The following FMNL3 variants were observed in gnomAD, a reference collection of about 807,000 sequenced individuals.
FMNL3 encodes the protein formin-like protein 3.
Under a neutral mutation model 119.6 loss-of-function variants are expected in FMNL3, and 57 were observed. The ratio of observed to expected loss-of-function variants is 0.48; its 90% CI spans 0.39 to 0.59. The LOEUF is 0.59. Among genes scored for constraint, FMNL3 ranks in the 20% least tolerant of loss-of-function variants. The pLI is 0.00. For synonymous variants in FMNL3, 491 were observed against 507.3 expected (o/e 0.97, Z 0.43); for missense variants, 1,053 against 1,323.5 (o/e 0.80, Z 3.17).
chr12:49,691,726 T>C (rs1944606796), intron 1 of FMNL3, among the ~76,000 whole-genome samples: 2 of 151,936 alleles, frequency 1.3e-5, no homozygotes, highest in African/African-American at 2.4e-5. Context: ...GGAGCCTTTT[T>C]TTTCCCCCCA....
intron 1 of FMNL3, among the ~76,000 whole-genome samples, chr12:49,671,145 A>G (rs7963954): frequency 0.33 from 50,008 of 152,194 alleles, 11,691 homozygotes; most frequent in African/African-American, 0.67. Context: ...CACTGTCAGC[A>G]GCTGTGGCTC....
intron 1 of FMNL3, among the ~76,000 whole-genome samples, chr12:49,692,350 C>G (rs767054651): frequency 2.0e-5 from 3 of 151,814 alleles, no homozygotes; most frequent in African/African-American, 4.8e-5. Context: ...TCAGTCTACC[C>G]CCTCCCTACC....
chr12:49,664,202 G>A (rs918019522), intron 4 of FMNL3, among the ~76,000 whole-genome samples: 7 of 152,186 alleles, frequency 4.6e-5, no homozygotes, highest in Non-Finnish European at 7.4e-5. Flanking sequence ...CCAAGATGGC[G>A]CCTGGGCGAC....
chr12:49,690,950 G>A (rs1051476113), intron 1 of FMNL3, among the ~76,000 whole-genome samples: 1 of 152,176 alleles, frequency 6.6e-6, no homozygotes, highest in Non-Finnish European at 1.5e-5. Flanking sequence ...GGGTGAGGTG[G>A]GAGGATCACT....
At chr12:49,690,060 G>C (rs1277428237) in intron 1 of FMNL3, among the ~76,000 whole-genome samples, 2 of 152,092 alleles carry the variant, frequency 1.3e-5, no homozygotes, top group Non-Finnish European at 2.9e-5. Context: ...ATCTCACTTG[G>C]TCTTCACAAA....
Position 49,643,643 on chromosome 12 carries a change from G to A in FMNL3, c.*2172C>T, listed in dbSNP as rs1942963883. 1 of 1,578,852 alleles carries A rather than the reference G, an allele frequency of 6.3e-7. No individual in the cohort carries two copies. Among genetic ancestry groups the A allele is most frequent in the Non-Finnish European group, 8.6e-7 (1 of 1,158,330 alleles). On this transcript the variant is annotated 3_prime_UTR_variant, in exon 26 of 26. Coordinates refer to ENST00000335154, the MANE Select transcript of FMNL3 (RefSeq NM_175736.5). Reference sequence around the variant, plus strand: ...AGAGGGGCTAGAACAAAGAAAAAGAGCCTGTCTTTCTCCTGTTGGGACTTA... The same window carrying A: ...AGAGGGGCTAGAACAAAGAAAAAGAACCTGTCTTTCTCCTGTTGGGACTTA...
rs377004456 is a variant in FMNL3 at position 49,647,779 on chromosome 12, T to C, written c.2702A>G (p.Tyr901Cys). The change falls in exon 23 of 26, where the codon TAC becomes TGC. Residue 901 changes from tyrosine to cysteine, a missense_variant. By Grantham distance (194) the Tyr-to-Cys change is radical. Transcript: ENST00000335154. This position sits in a 1 kb window ranked among gnomAD's most constrained non-coding sequence, Gnocchi z 4.9. Reference sequence around the variant, plus strand: ...TGTAGTCTTGGGACTCTCGCCAAAGTAGCGCACAACTGCATTGTAGGCCTC... The same window carrying C: ...TGTAGTCTTGGGACTCTCGCCAAAGCAGCGCACAACTGCATTGTAGGCCTC... ...AEEAYNAVVR[Y>C]FGESPKTTPP... 4.3e-6 allele frequency: 7 copies of C among 1,613,076 alleles called. No individual in the cohort carries two copies. In the Admixed American group the frequency reaches 1.2e-4, roughly 27 times the overall value.
rs570141559 is a variant in FMNL3, at chr12:49,661,789, C to T, written c.452+177G>A. 4.6e-4 allele frequency: 286 copies of T among 623,478 alleles called. 4 individuals carry two copies. In the South Asian group the frequency reaches 5.4e-3, roughly 12 times the overall value. 38.6% of individuals were successfully genotyped at this position (623,478 alleles called of 1,614,324 possible). A position where few individuals can be genotyped will look rare whatever the true frequency, so the allele number is the denominator to read the frequency against. On this transcript the variant is annotated intron_variant, in intron 5 of 25. Coordinates refer to ENST00000335154, the MANE Select transcript of FMNL3 (RefSeq NM_175736.5). ...AGCCAAGTGCCATTCTTCACTGATC[C>T]CCAGACATCTCCGGGCTTGCCTGCC... is the stretch of plus-strand genomic sequence containing the variant.
rs1942676860 is a variant in FMNL3 at position 49,641,702 on chromosome 12, G to T, written c.*4113C>A. The T allele has an allele frequency of 8.6e-6, 5 of 581,178 alleles. No individual in the cohort carries two copies. The highest frequency in any genetic ancestry group is 1.5e-5 in the Non-Finnish European group (5 of 326,328). 36.0% of individuals were successfully genotyped at this position (581,178 alleles called of 1,614,324 possible). ...CATCTCCCAACCCCTTCAGCTCTGTGTGACATCCAAACCAAGGGTAGGCAT... is the reference window on the plus strand; with the variant it reads ...CATCTCCCAACCCCTTCAGCTCTGTTTGACATCCAAACCAAGGGTAGGCAT... On this transcript the variant is annotated 3_prime_UTR_variant, in exon 26 of 26. Transcript: ENST00000335154.
chr12:49,656,715 G>A, intron 8 of FMNL3, 108 bp downstream of exon 8: 1 of 1,139,172 alleles, frequency 8.8e-7, no homozygotes, highest in Non-Finnish European at 1.3e-6. Context: ...CCAAACCAAG[G>A]CTCTTGACAG....
intron 1 of FMNL3, among the ~76,000 whole-genome samples, chr12:49,692,063 T>C (rs1944621452): frequency 7.2e-6 from 1 of 138,002 alleles, no homozygotes; most frequent in Non-Finnish European, 1.6e-5. Context: ...AAAAAAAAAG[T>C]TGGGTCTGGC....
At chr12:49,699,775 C>A (rs1007106468) in intron 1 of FMNL3, among the ~76,000 whole-genome samples, 2 of 152,032 alleles carry the variant, frequency 1.3e-5, no homozygotes, top group South Asian at 4.1e-4. Flanking sequence ...TAAAAGATGG[C>A]CAAAACACTT....
At position 49,646,989 on chromosome 12, in the gene FMNL3, C is replaced by T. The variant is rs1420945265; in HGVS notation, c.2892G>A (p.Lys964=). 1.9e-6 allele frequency: 3 copies of T among 1,613,498 alleles called. No homozygotes were observed. Among genetic ancestry groups the T allele is most frequent in the Non-Finnish European group, 2.5e-6 (3 of 1,179,984 alleles). The change falls in exon 25 of 26, where the codon AAG becomes AAA. Residue 964 remains lysine (K), a synonymous_variant. Transcript: ENST00000335154. ...LDAKTPSQRN[K]WQQQELIAEL... ...CTGCTATTAACTCCTGCTGTTGCCACTTGTTCCGCTGGGATGGGGTCTAGG... is the reference window on the plus strand; with the variant it reads ...CTGCTATTAACTCCTGCTGTTGCCATTTGTTCCGCTGGGATGGGGTCTAGG...
In FMNL3 at chr12:49,642,760, T is replaced by C; in HGVS notation, c.*3055A>G. On this transcript the variant is annotated 3_prime_UTR_variant, in exon 26 of 26. Transcript: ENST00000335154. This position sits in a 1 kb window ranked among gnomAD's most constrained non-coding sequence, Gnocchi z 5.8. ...ACAGAGACCTCAGTGGCCTCCCTCT[T>C]ACCCTTAGGGCACTCCTGGCCAGCT... 6.8e-7 allele frequency: 1 copy of C among 1,479,786 alleles called. No individual in the cohort carries two copies. The highest frequency in any genetic ancestry group is 9.3e-7 in the Non-Finnish European group (1 of 1,079,640). The allele number at this position is 1,479,786 out of a possible 1,614,324, so 91.7% of individuals were successfully genotyped here.
At chr12:49,678,812 G>A (rs947220751) in intron 1 of FMNL3, among the ~76,000 whole-genome samples, 4 of 152,134 alleles carry the variant, frequency 2.6e-5, no homozygotes, top group Non-Finnish European at 5.9e-5. Flanking sequence ...AAAGGCAAGA[G>A]CAGAAGGGAA....
intron 1 of FMNL3, among the ~76,000 whole-genome samples, chr12:49,699,097 C>T (rs534311203): frequency 8.5e-5 from 13 of 152,254 alleles, no homozygotes; most frequent in South Asian, 2.1e-4. Flanking sequence ...TCAGCTCAGA[C>T]GTGGGAGAAA....
rs548343320 is a variant in FMNL3, at chr12:49,637,010, G to C, written c.*8805C>G. The stretch of plus-strand genomic sequence containing the variant: ...TCTCTGCCTGCAGTCTGTTTCTGCT[G>C]TACCTCCTCAATTCTGGACTGTGCT... On this transcript the variant is annotated 3_prime_UTR_variant, in exon 26 of 26. Coordinates refer to ENST00000335154, the MANE Select transcript of FMNL3 (RefSeq NM_175736.5). The C allele has an allele frequency of 9.3e-7, 1 of 1,080,578 alleles. No individual in the cohort carries two copies. Among genetic ancestry groups the C allele is most frequent in the Non-Finnish European group, 1.3e-6 (1 of 756,518 alleles). 66.9% of individuals were successfully genotyped at this position (1,080,578 alleles called of 1,614,324 possible).
At chr12:49,667,066 C>T (rs940671763) in intron 2 of FMNL3, among the ~76,000 whole-genome samples, 9 of 152,214 alleles carry the variant, frequency 5.9e-5, no homozygotes, top group Non-Finnish European at 1.2e-4. Context: ...CCTCGATTCC[C>T]TTCTACCTAG....
At chr12:49,646,795 G>A (rs1332243723) in intron 25 of FMNL3, 91 bp downstream of exon 25, 2 of 1,605,536 alleles carry the variant, frequency 1.2e-6, no homozygotes, top group Non-Finnish European at 1.7e-6. Context: ...GCCTCATGGG[G>A]GGTGGGGTGG....
Sources: gnomAD v4.1 joint callset for allele counts (sites outside exome capture counted in the v4.1 genomes callset) on GRCh38, gnomAD v4.1.1 for gene constraint, Gnocchi (gnomAD v3.1) non-coding constraint, MANE v1.5 for transcripts, NCBI Gene and HGNC (gene_info 2026-07-23, HGNC 2026-07-21) for gene names.